SYT9: variants seen among roughly 807,000 people sequenced by gnomAD.
The protein encoded by SYT9 is synaptotagmin-9.
In SYT9, 22 loss-of-function variants were observed where a neutral mutation model predicts 48.4. The observed-to-expected ratio is 0.45, with a 90% CI of 0.32 to 0.65. SYT9 has a LOEUF of 0.65. SYT9 is among the 30% of genes least tolerant of loss of function. The pLI is 0.03. For missense variants in SYT9, 577 were observed against 622.0 expected (o/e 0.93, Z 0.77); for synonymous variants, 265 against 245.0 (o/e 1.08, Z -0.76).
chr11:7,444,250 G>A (rs1278663187), intron 6 of SYT9: 2 of 152,316 alleles, frequency 1.3e-5, no homozygotes, highest in Non-Finnish European at 2.9e-5. Context: ...TGAGGCACCA[G>A]GATGTAGAAC....
At chr11:7,376,821 A>G (rs938318567) in intron 3 of SYT9, among the ~76,000 whole-genome samples, 7 of 151,958 alleles carry the variant, frequency 4.6e-5, no homozygotes, top group Admixed American at 3.3e-4. Flanking sequence ...CAGAGAGAGC[A>G]TACAGGGATG....
In SYT9 at chr11:7,303,081, G is replaced by T. The variant is rs1273864761; in HGVS notation, c.188G>T (p.Gly63Val). 3.1e-6 allele frequency: 5 copies of T among 1,614,060 alleles called. No individual in the cohort carries two copies. The highest frequency in any genetic ancestry group is 3.4e-6 in the Non-Finnish European group (4 of 1,180,044). ...SLLTLVVTAC[G>V]LALFGVSLFV... ...CTGACCCTTGTGGTCACTGCCTGTG[G>T]TCTCGCTCTCTTTGGCGTGTCTCTC... Residue 63 changes from glycine to valine, a missense_variant, in exon 2 of 7, where the codon GGT (glycine) becomes GTT (valine). Coordinates refer to ENST00000318881, the MANE Select transcript of SYT9 (RefSeq NM_175733.4).
rs899326120 is a variant in SYT9, at chr11:7,337,157, G to A, written c.1044+23216G>A. On this transcript the variant is annotated intron_variant, in intron 3 of 6. Coordinates refer to ENST00000318881, the MANE Select transcript of SYT9 (RefSeq NM_175733.4). ...TTTGGCTCTCGGCTTGGCTGTTGCT[G>A]GTGTGTAGGAATGTTAGTGATTTTT... is the stretch of plus-strand genomic sequence containing the variant. Among the ~76,000 whole-genome samples, 3 of 152,168 alleles carry A rather than the reference G, an allele frequency of 2.0e-5. No individual in the cohort carries two copies. In the East Asian group the frequency reaches 5.8e-4, roughly 29 times the overall value.
At chr11:7,386,108 A>T (rs1260313036) in intron 3 of SYT9, among the ~76,000 whole-genome samples, 1 of 152,160 alleles carries the variant, frequency 6.6e-6, no homozygotes, top group Non-Finnish European at 1.5e-5. Context: ...AAGGTATTTC[A>T]TATTTTTAAG....
At position 7,385,340 on chromosome 11, in the gene SYT9, CTGTG is replaced by C. The variant is rs66576884; in HGVS notation, c.1045-30675_1045-30672del. 6.3e-3 allele frequency among the ~76,000 whole-genome samples: 926 copies of C among 146,602 alleles called. 6 individuals are homozygous for C. The highest frequency in any genetic ancestry group is 0.018 in the African/African-American group (716 of 39,560). On this transcript the variant is annotated intron_variant, in intron 3 of 6. Coordinates refer to ENST00000318881, the MANE Select transcript of SYT9 (RefSeq NM_175733.4). ...ATGAACTATATTGTTTTTGTTTGCT[CTGTG>C]TGTGTGTGTGTGTGTGTGTGTGTGT...
In SYT9 at chr11:7,333,926, T is replaced by G. The variant is rs16924992; in HGVS notation, c.1044+19985T>G. 3.9e-5 allele frequency among the ~76,000 whole-genome samples: 6 copies of G among 152,316 alleles called. No individual in the cohort carries two copies. The East Asian group carries it at 1.2e-3, about 29-fold the overall frequency. On this transcript the variant is annotated intron_variant, in intron 3 of 6. Transcript: ENST00000318881. ...AAGGGACAGATAGTGAAACATAACA[T>G]TGCACAGATAATTACTCACATGTGT...
chr11:7,245,882 A>G (rs1349203113), intron 1 of SYT9, among the ~76,000 whole-genome samples: 1 of 152,190 alleles, frequency 6.6e-6, no homozygotes, highest in Admixed American at 6.5e-5. Flanking sequence ...AGCATCTGGG[A>G]TGCTCTTTAC....
chr11:7,454,273 T>G, intron 6 of SYT9: 2 of 985,370 alleles, frequency 2.0e-6, no homozygotes, highest in Non-Finnish European at 2.4e-6. Flanking sequence ...GTCTCTGCAG[T>G]GGCCTGAGGA....
intron 6 of SYT9, among the ~76,000 whole-genome samples, chr11:7,456,176 T>A (rs1464847348): frequency 6.6e-6 from 1 of 152,252 alleles, no homozygotes; most frequent in African/African-American, 2.4e-5. Context: ...GTCTGGGGCA[T>A]AGGGTCTGTC....
chr11:7,380,976 A>C (rs1352577714), intron 3 of SYT9, among the ~76,000 whole-genome samples: 2 of 152,156 alleles, frequency 1.3e-5, no homozygotes, highest in Non-Finnish European at 2.9e-5. Flanking sequence ...CAGTGTACTT[A>C]TTATGCCTAG....
chr11:7,454,298 A>G, intron 6 of SYT9: 1 of 985,060 alleles, frequency 1.0e-6, no homozygotes, highest in Non-Finnish European at 1.2e-6. Context: ...TCTTTTTTGC[A>G]TCTCATGATT....
chr11:7,278,984 G>A (rs572260978), intron 1 of SYT9, among the ~76,000 whole-genome samples: 1 of 152,306 alleles, frequency 6.6e-6, no homozygotes, highest in African/African-American at 2.4e-5. Flanking sequence ...AAAAATGTAT[G>A]TTAATTTATG....
At chr11:7,247,601 A>C (rs180747643), upstream of SYT9, among the ~76,000 whole-genome samples, 1 of 147,150 alleles carries the variant, frequency 6.8e-6, no homozygotes, top group African/African-American at 2.5e-5. Context: ...ATATATACGT[A>C]TATATACATA....
chr11:7,317,947 C>G (rs1193084638), intron 3 of SYT9, among the ~76,000 whole-genome samples: 4 of 152,202 alleles, frequency 2.6e-5, no homozygotes, highest in African/African-American at 9.6e-5. Flanking sequence ...TGACTTTTCT[C>G]ACACATTTTA....
At chr11:7,372,541 A>G (rs192585925) in intron 3 of SYT9, among the ~76,000 whole-genome samples, 119 of 152,230 alleles carry the variant, frequency 7.8e-4, no homozygotes, top group Middle Eastern at 3.4e-3. Flanking sequence ...ATTTCTTAAA[A>G]TTCTTTTGTA....
intron 1 of SYT9, among the ~76,000 whole-genome samples, chr11:7,276,892 G>GTA (rs1365374732): frequency 2.8e-5 from 4 of 141,172 alleles, no homozygotes; most frequent in Non-Finnish European, 6.2e-5. Context: ...CTAAAAATAC[G>GTA]AAAAAAAAAA....
intron 3 of SYT9, among the ~76,000 whole-genome samples, chr11:7,388,291 T>C (rs1850698956): frequency 1.3e-5 from 2 of 152,180 alleles, no homozygotes; most frequent in African/African-American, 4.8e-5. Context: ...ATAAAGTTGT[T>C]TGTAAAATTC....
chr11:7,382,411 C>T (rs1850582532), intron 3 of SYT9, among the ~76,000 whole-genome samples: 1 of 152,056 alleles, frequency 6.6e-6, no homozygotes, highest in Non-Finnish European at 1.5e-5. Flanking sequence ...TTAGCTTTAG[C>T]CACTGAGAGG....
At chr11:7,251,880 C>A (rs1847873458), upstream of SYT9, 1 of 273,272 alleles carries the variant, frequency 3.7e-6, no homozygotes, top group Non-Finnish European at 6.8e-6. Context: ...CCGCGAGTAG[C>A]GGGCGGAGCG....
Sources: gnomAD v4.1 joint callset for allele counts (sites outside exome capture counted in the v4.1 genomes callset) on GRCh38, gnomAD v4.1.1 for gene constraint, MANE v1.5 for transcripts, NCBI Gene and HGNC (gene_info 2026-07-23, HGNC 2026-07-21) for gene names.